DAB2: variants seen among roughly 807,000 people sequenced by gnomAD.
DAB2 encodes DAB adaptor protein 2, also known as disabled homolog 2.
In DAB2, 28 loss-of-function variants were observed where a neutral mutation model predicts 71.6. The observed-to-expected ratio is 0.39, with a 90% CI of 0.29 to 0.54. DAB2 has a LOEUF of 0.54. Among genes scored for constraint, DAB2 ranks in the 20% least tolerant of loss-of-function variants. The probability of loss-of-function intolerance (pLI) is 0.68; values close to 1 mark genes in which losing one functional copy is unlikely to be tolerated. For synonymous variants in DAB2, 345 were observed against 339.7 expected, an observed-to-expected ratio of 1.02 and a Z score of -0.17; for missense variants, 867 against 928.8, an observed-to-expected ratio of 0.93 and a Z score of 0.86.
intron 1 of DAB2, among the ~76,000 whole-genome samples, chr5:39,396,399 A>T (rs888996879): frequency 4.6e-5 from 7 of 152,120 alleles, no homozygotes; most frequent in African/African-American, 1.7e-4. Flanking sequence ...TTTACACACA[A>T]GTCTATTTGC....
intron 11 of DAB2, among the ~76,000 whole-genome samples, chr5:39,377,501 T>C (rs1441029471): frequency 1.3e-5 from 2 of 152,158 alleles, no homozygotes; most frequent in Admixed American, 6.5e-5. Context: ...TTGAGGCCCA[T>C]GTTCTTCCTA....
Position 39,401,032 on chromosome 5 carries a change from G to T in DAB2, c.-101-6611C>A, listed in dbSNP as rs140878169. Among the ~76,000 whole-genome samples the T allele has an allele frequency of 2.6e-5, 4 of 152,178 alleles. No homozygotes were observed. The South Asian group carries it at 6.2e-4, about 24-fold the overall frequency. On this transcript the variant is annotated intron_variant, in intron 1 of 14. Transcript: ENST00000320816. The stretch of plus-strand genomic sequence containing the variant: ...TTTAAGAATAGGGGTCATTACCAGC[G>T]ATGCTGTAGCAAAGTTAGACTGTTT...
chr5:39,392,660 G>A (rs371805582), intron 3 of DAB2, among the ~76,000 whole-genome samples, 197 bp from the exon 4 acceptor site: 4 of 152,140 alleles, frequency 2.6e-5, no homozygotes, highest in Admixed American at 6.5e-5. Context: ...TTAGCTGTGC[G>A]AACTCGGACA....
intron 1 of DAB2, among the ~76,000 whole-genome samples, chr5:39,413,546 T>A (rs1386382561): frequency 6.6e-6 from 1 of 152,216 alleles, no homozygotes; most frequent in Non-Finnish European, 1.5e-5. Flanking sequence ...AAATGGCAGC[T>A]ATTTACTAAG....
chr5:39,391,950 C>T, intron 4 of DAB2, among the ~76,000 whole-genome samples: 1 of 117,862 alleles, frequency 8.5e-6, no homozygotes, highest in African/African-American at 3.2e-5. Context: ...TAATCTAGTT[C>T]TGTATACCCG....
At chr5:39,403,824 C>T (rs1245964964) in intron 1 of DAB2, among the ~76,000 whole-genome samples, 1 of 151,220 alleles carries the variant, frequency 6.6e-6, no homozygotes, top group Admixed American at 6.6e-5. Flanking sequence ...CCACCTCTAC[C>T]CATTTTGTTT....
intron 9 of DAB2, among the ~76,000 whole-genome samples, chr5:39,386,647 A>C (rs1395296010): frequency 1.3e-5 from 2 of 152,192 alleles, no homozygotes; most frequent in Non-Finnish European, 2.9e-5. Context: ...ACTGAAGATT[A>C]TCCATGTTGT....
At chr5:39,403,650 T>C (rs1211046988) in intron 1 of DAB2, among the ~76,000 whole-genome samples, 1 of 152,104 alleles carries the variant, frequency 6.6e-6, no homozygotes, top group African/African-American at 2.4e-5. Context: ...GATCAAAGCA[T>C]TTAAATTTAT....
chr5:39,378,576 A>T (rs1754886567), intron 11 of DAB2, among the ~76,000 whole-genome samples: 1 of 152,250 alleles, frequency 6.6e-6, no homozygotes, highest in Admixed American at 6.5e-5. Flanking sequence ...CATTCTCATC[A>T]TGCATGCTGG....
Position 39,376,839 on chromosome 5 carries a change from C to T in DAB2, c.1948G>A (p.Asp650Asn). 1 of 1,614,152 alleles carries T rather than the reference C, an allele frequency of 6.2e-7. No individual in the cohort carries two copies. Among genetic ancestry groups the T allele is most frequent in the Non-Finnish European group, 8.5e-7 (1 of 1,180,026 alleles). Residue 650 changes from aspartate (D) to asparagine (N), a missense_variant, in exon 12 of 15, where the codon GAT (aspartate) becomes AAT (asparagine). By Grantham distance (23) the Asp-to-Asn change is conservative. Around this residue, in one of 2 missense-constraint regions of DAB2, gnomAD observed 740 missense variants for 734.3 expected, o/e 1.01. Transcript: ENST00000320816. The stretch of plus-strand genomic sequence containing the variant: ...AAATCCTTAAACATTTCTTTCACAT[C>T]CTTGATCTCTTTATCCCCAAGTGGG... ...LDPLGDKEIKDVKEMFKDFQL... is the reference protein window; with the variant it reads ...LDPLGDKEIKNVKEMFKDFQL...
intron 1 of DAB2, chr5:39,408,323 C>G (rs566016399): frequency 2.0e-5 from 3 of 152,096 alleles, no homozygotes; most frequent in African/African-American, 7.2e-5. Context: ...TAATCTAATT[C>G]GAATATGTTG....
intron 9 of DAB2, among the ~76,000 whole-genome samples, chr5:39,386,356 C>T (rs1755099947): frequency 6.6e-6 from 1 of 152,152 alleles, no homozygotes; most frequent in East Asian, 1.9e-4. Context: ...ATTTCTTTCT[C>T]TCTTTACATA....
At chr5:39,389,997 A>C in intron 5 of DAB2, 65 bp from the exon 6 acceptor site, 1 of 1,141,946 alleles carries the variant, frequency 8.8e-7, no homozygotes, top group Non-Finnish European at 1.2e-6. Context: ...TTTGTCTGCT[A>C]TCAATTATAA....
chr5:39,392,518 G>T, intron 3 of DAB2, 55 bp from the exon 4 acceptor site: 1 of 1,287,808 alleles, frequency 7.8e-7, no homozygotes, highest in Non-Finnish European at 1.1e-6. Context: ...TCCTACAATG[G>T]TTTTAATATT....
chr5:39,413,797 C>T (rs940808811), intron 1 of DAB2, among the ~76,000 whole-genome samples: 5 of 152,096 alleles, frequency 3.3e-5, no homozygotes, highest in Non-Finnish European at 4.4e-5. Context: ...TAAAGATGTG[C>T]TAATTTGGTA....
At chr5:39,390,157 C>T (rs1489917274) in intron 5 of DAB2, among the ~76,000 whole-genome samples, 1 of 152,034 alleles carries the variant, frequency 6.6e-6, no homozygotes, top group Admixed American at 6.6e-5. Context: ...GTATCATGAT[C>T]ATATTTGAAG....
At chr5:39,396,137 C>T (rs558812221) in intron 1 of DAB2, among the ~76,000 whole-genome samples, 10 of 151,722 alleles carry the variant, frequency 6.6e-5, no homozygotes, top group Non-Finnish European at 1.0e-4. Flanking sequence ...TCAGTAGAGA[C>T]GGAGTTTCAC....
intron 1 of DAB2, among the ~76,000 whole-genome samples, chr5:39,406,679 A>G (rs1283523924): frequency 6.6e-6 from 1 of 152,252 alleles, no homozygotes; most frequent in Admixed American, 6.5e-5. Flanking sequence ...GGAATGGGTC[A>G]ATAGAATAAA....
intron 1 of DAB2, among the ~76,000 whole-genome samples, chr5:39,404,583 TG>T (rs1338923081): frequency 6.6e-6 from 1 of 151,474 alleles, no homozygotes; most frequent in Non-Finnish European, 1.5e-5. Context: ...TTTTGGTTTT[TG>T]GGTTTTTTTT....
Sources: gnomAD v4.1 joint callset for allele counts (sites outside exome capture counted in the v4.1 genomes callset) on GRCh38, gnomAD v4.1.1 for gene constraint, gnomAD v4.1.1 regional missense constraint, MANE v1.5 for transcripts, NCBI Gene and HGNC (gene_info 2026-07-23, HGNC 2026-07-21) for gene names.